The following DBF4 variants were observed in gnomAD, a reference collection of about 807,000 sequenced individuals.
The protein encoded by DBF4 is DBF4-CDC7 kinase regulatory subunit, also known as protein DBF4 homolog A.
In DBF4, 25 loss-of-function variants were observed where a neutral mutation model predicts 76.6. That is an observed-to-expected ratio of 0.33 (90% CI 0.24 to 0.46). The LOEUF is 0.46. Among genes scored for constraint, DBF4 ranks in the 20% least tolerant of loss-of-function variants. DBF4 has a pLI of 1.00. For missense variants in DBF4, 638 were observed against 760.8 expected (o/e 0.84, Z 1.90); for synonymous variants, 213 against 258.0 (o/e 0.83, Z 1.67).
At chr7:87,888,441 A>G in intron 6 of DBF4, 1 of 578,540 alleles carries the variant, frequency 1.7e-6, no homozygotes, top group Non-Finnish European at 2.2e-6. Context: ...GTATAACAAA[A>G]TCTCGTTTTA....
At chr7:87,891,177 T>C (rs1013354063) in intron 6 of DBF4, among the ~76,000 whole-genome samples, 3 of 151,534 alleles carry the variant, frequency 2.0e-5, no homozygotes, top group African/African-American at 4.8e-5. Flanking sequence ...CTTTTCTTTT[T>C]TTTTTTTTTT....
intron 4 of DBF4, 29 bp downstream of exon 4, chr7:87,886,923 G>A (rs765963242): frequency 1.4e-6 from 2 of 1,400,516 alleles, no homozygotes; most frequent in Admixed American, 4.7e-5. Context: ...GATTCACATT[G>A]TACATTTTGT....
At chr7:87,906,303 T>C (rs919342533) in intron 11 of DBF4, among the ~76,000 whole-genome samples, 5 of 152,056 alleles carry the variant, frequency 3.3e-5, no homozygotes, top group African/African-American at 1.2e-4. Flanking sequence ...CATCTTGGAC[T>C]TAAAAGCCAT....
rs374697943 is a variant in DBF4 at position 87,893,458 on chromosome 7, A to G, written c.598-3016A>G. ...GACGGGGTTTCACCTTGTTAGCCAG[A>G]ATGGTCTCGATCTCCTGACCTCATG... On this transcript the variant is annotated intron_variant, in intron 6 of 11. Transcript: ENST00000265728. 2.1e-4 allele frequency among the ~76,000 whole-genome samples: 31 copies of G among 149,852 alleles called. No individual in the cohort carries two copies. In the East Asian group the frequency reaches 3.0e-3, roughly 14 times the overall value.
chr7:87,893,339 G>A (rs1366366670), intron 6 of DBF4, among the ~76,000 whole-genome samples: 2 of 148,758 alleles, frequency 1.3e-5, no homozygotes, highest in South Asian at 2.1e-4. Flanking sequence ...TCCGCTTCCC[G>A]GGTTCACGCC....
chr7:87,906,123 A>G (rs945325689), intron 11 of DBF4, among the ~76,000 whole-genome samples: 32 of 151,850 alleles, frequency 2.1e-4, no homozygotes, highest in Non-Finnish European at 3.2e-4. Flanking sequence ...AGGCCACTGC[A>G]CTCCAGCCTG....
chr7:87,903,689 C>CTTTT (rs56740998), intron 10 of DBF4, among the ~76,000 whole-genome samples: 118 of 98,092 alleles, frequency 1.2e-3, no homozygotes, highest in African/African-American at 1.6e-3. Context: ...CTCTGTATCC[C>CTTTT]TTTTTTTTTT....
At position 87,893,497 on chromosome 7, in the gene DBF4, G is replaced by A. The variant is rs113367897; in HGVS notation, c.598-2977G>A. On this transcript the variant is annotated intron_variant, in intron 6 of 11. Transcript: ENST00000265728. ...CCTGACCTCATGATCCACCCGCCTC[G>A]GCCTCCCAAAGTGCTGGGATTACAG... is the stretch of plus-strand genomic sequence containing the variant. Among the ~76,000 whole-genome samples, 394 of 150,946 alleles carry A rather than the reference G, an allele frequency of 2.6e-3. 13 individuals carry two copies. The East Asian group carries it at 0.062, about 24-fold the overall frequency.
At chr7:87,888,538 C>T (rs541031562) in intron 6 of DBF4, among the ~76,000 whole-genome samples, 3 of 152,172 alleles carry the variant, frequency 2.0e-5, no homozygotes, top group Non-Finnish European at 4.4e-5. Flanking sequence ...TTCCCATTAT[C>T]TTCAGTCCCT....
Position 87,907,208 on chromosome 7 carries a change from C to T in DBF4, c.1070C>T (p.Ser357Phe), listed in dbSNP as rs1305415934. Residue 357 changes from serine (S) to phenylalanine (F), a missense_variant, in exon 12 of 12, where the codon TCC becomes TTC. Ser to Phe is a radical substitution (Grantham distance 155). Coordinates refer to ENST00000265728, the MANE Select transcript of DBF4 (RefSeq NM_006716.4). ...KKKRIKYSVG[S>F]LSPVSASVLK... ...CAAAGAATAAAATACAGTGTTGGAT[C>T]CCTTTCTCCTGTTTCTGCAAGTGTC... The T allele has an allele frequency of 1.9e-6, 3 of 1,598,782 alleles. No individual in the cohort carries two copies. The highest frequency in any genetic ancestry group is 2.6e-6 in the Non-Finnish European group (3 of 1,175,738).
At chr7:87,880,700 A>G (rs35968577) in intron 2 of DBF4, among the ~76,000 whole-genome samples, 15,322 of 152,144 alleles carry the variant, frequency 0.1, 1,081 homozygotes, top group Non-Finnish European at 0.15. Flanking sequence ...ACATCTTAAT[A>G]TCCCATTTAT....
chr7:87,881,352 G>C (rs757659401), intron 2 of DBF4, among the ~76,000 whole-genome samples: 2 of 152,224 alleles, frequency 1.3e-5, no homozygotes, highest in Non-Finnish European at 2.9e-5. Context: ...AGGTTGCAGT[G>C]AGCCAAGATT....
intron 6 of DBF4, among the ~76,000 whole-genome samples, chr7:87,894,885 C>T (rs1357939723): frequency 6.6e-6 from 1 of 152,108 alleles, no homozygotes; most frequent in East Asian, 1.9e-4. Flanking sequence ...ACACTTGGTT[C>T]ACTGAGCTTA....
intron 6 of DBF4, among the ~76,000 whole-genome samples, chr7:87,889,537 C>T (rs11971776): frequency 6.6e-6 from 1 of 152,128 alleles, no homozygotes; most frequent in Non-Finnish European, 1.5e-5. Flanking sequence ...GCCTCAGCCT[C>T]CCAAAGTGCT....
intron 1 of DBF4, among the ~76,000 whole-genome samples, chr7:87,877,380 G>A (rs562424403): frequency 1.3e-5 from 2 of 152,284 alleles, no homozygotes; most frequent in African/African-American, 4.8e-5. Flanking sequence ...TAAGTTTTTT[G>A]TACAGGTGTT....
intron 6 of DBF4, 61 bp from the exon 7 acceptor site, chr7:87,896,413 T>G (rs910231447): frequency 2.3e-6 from 3 of 1,296,182 alleles, no homozygotes; most frequent in Non-Finnish European, 3.3e-6. Context: ...ACTGAGCAAT[T>G]GCAGTTGCTG....
Position 87,878,114 on chromosome 7 carries a change from C to A in DBF4, c.108C>A (p.Asn36Lys), listed in dbSNP as rs1839115911. ...RPSLKSLKTD[N>K]RPEKSKCKPL... ...CTCTGAAATCTCTGAAAACTGATAA[C>A]AGGCCAGAAAAATCCAAATGTAAGC... The change falls in exon 2 of 12, where the codon AAC (asparagine) becomes AAA (lysine). Residue 36 changes from asparagine (N) to lysine (K), a missense_variant. Physicochemically the swap from Asn to Lys is moderately conservative, Grantham distance 94. Transcript: ENST00000265728. 6.2e-7 allele frequency: 1 copy of A among 1,611,674 alleles called. No individual in the cohort carries two copies. Among genetic ancestry groups the A allele is most frequent in the Admixed American group, 1.7e-5 (1 of 59,920 alleles).
intron 8 of DBF4, among the ~76,000 whole-genome samples, chr7:87,898,398 A>G (rs970382849): frequency 6.6e-6 from 1 of 152,172 alleles, no homozygotes; most frequent in Non-Finnish European, 1.5e-5. Context: ...TGCAATCCCT[A>G]TCAAAATCCC....
chr7:87,907,409 G>T lies in DBF4; in HGVS notation c.1271G>T (p.Arg424Ile). ...ATCCCCCACCCTTCAAATGAATTGA[G>T]AGGGCTTAATGAGAAAATGAGTAAT... ...EPIPHPSNEL[R>I]GLNEKMSNKC... Residue 424 changes from arginine to isoleucine, a missense_variant, in exon 12 of 12, where the codon AGA (arginine) becomes ATA (isoleucine). By Grantham distance (97) the Arg-to-Ile change is moderately conservative (BLOSUM62 -3). Transcript: ENST00000265728. 6.2e-7 allele frequency: 1 copy of T among 1,614,042 alleles called. No individual in the cohort carries two copies. Among genetic ancestry groups the T allele is most frequent in the Non-Finnish European group, 8.5e-7 (1 of 1,179,944 alleles).
Sources: allele counts gnomAD v4.1 joint callset (sites outside exome capture counted in the v4.1 genomes callset), GRCh38; gene constraint gnomAD v4.1.1; transcripts MANE v1.5; gene names NCBI Gene and HGNC (gene_info 2026-07-23, HGNC 2026-07-21).